R3HDM4: variants seen among roughly 807,000 people sequenced by gnomAD.
The protein encoded by R3HDM4 is R3H domain-containing protein 4.
A neutral mutation model predicts 31.3 loss-of-function variants in R3HDM4; 30 were observed. The ratio of observed to expected loss-of-function variants is 0.96; its 90% CI spans 0.72 to 1.30. The LOEUF is 1.30. Among genes scored for constraint, R3HDM4 ranks in the 50% most tolerant of loss-of-function variants. R3HDM4 has a pLI of 0.00. For missense variants in R3HDM4, 444 were observed against 366.1 expected (o/e 1.21, Z -1.74); for synonymous variants, 196 against 156.6 (o/e 1.25, Z -1.88).
intron 7 of R3HDM4, among the ~76,000 whole-genome samples, chr19:898,329 C>G (rs372200939): frequency 6.8e-6 from 1 of 146,860 alleles, no homozygotes; most frequent in East Asian, 2.0e-4. Flanking sequence ...GGCGTGAACC[C>G]GGGAGGTGGA....
rs772469289 is a variant in R3HDM4 at position 902,027 on chromosome 19, C to T, written c.175G>A (p.Asp59Asn). The T allele has an allele frequency of 4.3e-6, 7 of 1,613,838 alleles. No homozygotes were observed. Among genetic ancestry groups the T allele is most frequent in the Non-Finnish European group, 5.9e-6 (7 of 1,180,020 alleles). Reference protein sequence around the residue: ...HFINQAVRNSDLVPKAKGRKS... With the variant: ...HFINQAVRNSNLVPKAKGRKS... ...CGCCCCTTGGCCTTGGGCACGAGGT[C>T]TGAGTTCCGCACTGCCTGGTTGATG... is the stretch of plus-strand genomic sequence containing the variant. Residue 59 changes from aspartate to asparagine, a missense_variant, in exon 2 of 8, where the codon GAC (aspartate) becomes AAC (asparagine). Transcript: ENST00000361574.
At chr19:901,768 G>GGGCCC in intron 2 of R3HDM4, 5 of 727,250 alleles carry the variant, frequency 6.9e-6, no homozygotes, top group East Asian at 2.7e-5. Flanking sequence ...TGCCCGGGGC[G>GGGCCC]CCCTCCCACC....
chr19:907,165 C>T lies in R3HDM4; in HGVS notation c.72-5035G>A, dbSNP rs1291133720. Among the ~76,000 whole-genome samples, 1 of 152,174 alleles carries T rather than the reference C, an allele frequency of 6.6e-6. No homozygotes were observed. The highest frequency in any genetic ancestry group is 2.4e-5 in the African/African-American group (1 of 41,436). On this transcript the variant is annotated intron_variant, in intron 1 of 7. Transcript: ENST00000361574. The surrounding 1 kb of genome is among the most constrained non-coding windows in gnomAD (Gnocchi z 4.1). ...GGCACAAAGTCACCGCCCAAGCTCC[C>T]ATTGCTGCAAAGAGGGCAGCTGGAG...
Position 896,520 on chromosome 19 carries a change from T to C in R3HDM4, c.*917A>G, listed in dbSNP as rs1031418833. On this transcript the variant is annotated 3_prime_UTR_variant, in exon 8 of 8. Coordinates refer to ENST00000361574, the MANE Select transcript of R3HDM4 (RefSeq NM_138774.4). The surrounding 1 kb of genome is among the most constrained non-coding windows in gnomAD (Gnocchi z 4.0). ...AGCCCGAGGCCAGAGCACCAGAAATTTATTAAATTCCCCACTTTCCCCCAA... is the reference window on the plus strand; with the variant it reads ...AGCCCGAGGCCAGAGCACCAGAAATCTATTAAATTCCCCACTTTCCCCCAA... 1.3e-5 allele frequency: 2 copies of C among 152,508 alleles called. No homozygotes were observed. Among genetic ancestry groups the C allele is most frequent in the African/African-American group, 4.8e-5 (2 of 41,396 alleles). The allele number at this position is 152,508 out of a possible 1,614,324, so 9.4% of individuals were successfully genotyped here.
chr19:901,807 C>T, intron 2 of R3HDM4, 169 bp downstream of exon 2: 1 of 698,694 alleles, frequency 1.4e-6, no homozygotes, highest in Non-Finnish European at 2.3e-6. Context: ...CCAGGGGGCG[C>T]CTGTGTCTGG....
At chr19:903,440 G>A (rs920634673) in intron 1 of R3HDM4, among the ~76,000 whole-genome samples, 1 of 152,108 alleles carries the variant, frequency 6.6e-6, no homozygotes, top group Admixed American at 6.6e-5. Context: ...CCTGGGAAGC[G>A]GGTGGTTGGA....
intron 1 of R3HDM4, among the ~76,000 whole-genome samples, chr19:905,762 A>G (rs1387044276): frequency 6.6e-6 from 1 of 152,176 alleles, no homozygotes; most frequent in Non-Finnish European, 1.5e-5. Context: ...GCAGATAAAC[A>G]GCACAGTCTC....
At chr19:906,693 C>T (rs1003386051) in intron 1 of R3HDM4, among the ~76,000 whole-genome samples, 3 of 152,134 alleles carry the variant, frequency 2.0e-5, no homozygotes, top group Non-Finnish European at 2.9e-5. Flanking sequence ...TGCTTTTGAT[C>T]GTAAGTGTCG....
intron 1 of R3HDM4, among the ~76,000 whole-genome samples, chr19:911,941 C>G (rs927865543): frequency 6.7e-6 from 1 of 149,988 alleles, no homozygotes; most frequent in African/African-American, 2.5e-5. Flanking sequence ...TGGGGCCGGG[C>G]GTGCGGCAGG....
intron 3 of R3HDM4, 57 bp downstream of exon 3, chr19:901,365 C>G (rs1176159605): frequency 4.0e-5 from 63 of 1,558,284 alleles, no homozygotes; most frequent in Non-Finnish European, 5.1e-5. Flanking sequence ...ATGGCCTGGC[C>G]GTAGGAGAAC....
chr19:906,809 T>TTTTGTTTTG (rs2036910698), intron 1 of R3HDM4, among the ~76,000 whole-genome samples: 1 of 149,626 alleles, frequency 6.7e-6, no homozygotes. Flanking sequence ...ATTTGGGGTT[T>TTTTGTTTTG]TTTTGTTTTG....
chr19:901,201 C>T, intron 3 of R3HDM4: 1 of 673,272 alleles, frequency 1.5e-6, no homozygotes, highest in Non-Finnish European at 2.4e-6. Context: ...TGGAGGGTTC[C>T]CAAACGTGTT....
At position 899,959 on chromosome 19, in the gene R3HDM4, C is replaced by T; in HGVS notation, c.561+102G>A. ...CGCTGTCTGTATCCTGCCCTGTTTC[C>T]CCTGACACGACCTGCACCGGGTGAG... On this transcript the variant is annotated intron_variant, in intron 5 of 7. Coordinates refer to ENST00000361574, the MANE Select transcript of R3HDM4 (RefSeq NM_138774.4). This position sits in a 1 kb window ranked among gnomAD's most constrained non-coding sequence, Gnocchi z 6.8. The T allele has an allele frequency of 8.0e-7, 1 of 1,253,370 alleles. No individual in the cohort carries two copies. The highest frequency in any genetic ancestry group is 1.2e-6 in the Non-Finnish European group (1 of 865,718). 77.6% of individuals were successfully genotyped at this position (1,253,370 alleles called of 1,614,324 possible). A position where few individuals can be genotyped will look rare whatever the true frequency, so the allele number is the denominator to read the frequency against.
At chr19:912,429 A>T (rs1282215198) in intron 1 of R3HDM4, among the ~76,000 whole-genome samples, 3 of 75,130 alleles carry the variant, frequency 4.0e-5, no homozygotes, top group African/African-American at 1.8e-4. Flanking sequence ...CGGACCAGGG[A>T]GTTGGGGGGT....
At chr19:906,760 G>C (rs912151848) in intron 1 of R3HDM4, among the ~76,000 whole-genome samples, 1 of 152,018 alleles carries the variant, frequency 6.6e-6, no homozygotes, top group Non-Finnish European at 1.5e-5. Flanking sequence ...TGCTGTCCCC[G>C]GGGAGGCAAG....
chr19:906,164 A>C (rs1252645625), intron 1 of R3HDM4, among the ~76,000 whole-genome samples: 3 of 151,068 alleles, frequency 2.0e-5, no homozygotes, highest in Non-Finnish European at 4.4e-5. Context: ...AGCTGGGTAT[A>C]CAGGCGCCCG....
Position 899,447 on chromosome 19 carries a change from G to A in R3HDM4, c.696C>T (p.Ile232=). 6.2e-7 allele frequency: 1 copy of A among 1,613,668 alleles called. No individual in the cohort carries two copies. The highest frequency in any genetic ancestry group is 1.1e-5 in the South Asian group (1 of 91,084). ...GGGGCCACCGGCACTTACTGGCCGAGATGAGGTCCATGTACTGGCAGACAG... is the reference window on the plus strand; with the variant it reads ...GGGGCCACCGGCACTTACTGGCCGAAATGAGGTCCATGTACTGGCAGACAG... ...LHAVCQYMDL[I]SASADLEGKR... is the part of the protein sequence containing the mutation. Residue 232 remains isoleucine, a synonymous_variant, in exon 7 of 8, where the codon ATC becomes ATT. Coordinates refer to ENST00000361574, the MANE Select transcript of R3HDM4 (RefSeq NM_138774.4). The surrounding 1 kb of genome is among the most constrained non-coding windows in gnomAD (Gnocchi z 6.8).
chr19:911,205 G>A (rs1435317621), intron 1 of R3HDM4, among the ~76,000 whole-genome samples: 1 of 152,204 alleles, frequency 6.6e-6, no homozygotes, highest in Admixed American at 6.5e-5. Flanking sequence ...CAGCACTTTG[G>A]GAGGCCGAGG....
In R3HDM4 at chr19:899,993, C is replaced by G; in HGVS notation, c.561+68G>C. On this transcript the variant is annotated intron_variant, in intron 5 of 7. Coordinates refer to ENST00000361574, the MANE Select transcript of R3HDM4 (RefSeq NM_138774.4). This position sits in a 1 kb window ranked among gnomAD's most constrained non-coding sequence, Gnocchi z 6.8. Reference sequence around the variant, plus strand: ...GACCTGCACCGGGTGAGAACCTGTGCCTGGGAAACGGGCCTTCAAAAAAGA... The same window carrying G: ...GACCTGCACCGGGTGAGAACCTGTGGCTGGGAAACGGGCCTTCAAAAAAGA... 1.4e-6 allele frequency: 2 copies of G among 1,478,758 alleles called. No individual in the cohort carries two copies. The highest frequency in any genetic ancestry group is 1.9e-6 in the Non-Finnish European group (2 of 1,059,968). The allele number at this position is 1,478,758 out of a possible 1,614,324, so 91.6% of individuals were successfully genotyped here. A position where few individuals can be genotyped will look rare whatever the true frequency, so the allele number is the denominator to read the frequency against.
Sources: allele counts gnomAD v4.1 joint callset (sites outside exome capture counted in the v4.1 genomes callset), GRCh38; gene constraint gnomAD v4.1.1; non-coding constraint Gnocchi (gnomAD v3.1); transcripts MANE v1.5; gene names NCBI Gene and HGNC (gene_info 2026-07-23, HGNC 2026-07-21).